The following GCNT2 variants were observed in gnomAD, a reference collection of about 807,000 sequenced individuals.
GCNT2 encodes the protein glucosaminyl (N-acetyl) transferase 2 (I blood group), also known as N-acetyllactosaminide beta-1,6-N-acetylglucosaminyl-transferase.
Under a neutral mutation model 34.2 loss-of-function variants are expected in GCNT2, and 34 were observed. The observed-to-expected ratio is 1.00, with a 90% CI of 0.76 to 1.32. The LOEUF (loss-of-function observed/expected upper bound fraction) is 1.32, where lower values mean the gene tolerates loss of function less well. Among genes scored for constraint, GCNT2 ranks in the 40% most tolerant of loss-of-function variants. GCNT2 has a pLI of 0.00. For synonymous variants in GCNT2, 212 were observed against 188.0 expected (o/e 1.13, Z -1.04); for missense variants, 584 against 489.4 (o/e 1.19, Z -1.82).
intron 3 of GCNT2, among the ~76,000 whole-genome samples, chr6:10,591,107 T>C (rs1484357577): frequency 6.6e-6 from 1 of 152,226 alleles, no homozygotes; most frequent in Non-Finnish European, 1.5e-5. Flanking sequence ...TAGTCACCTA[T>C]TAACTGAATA....
chr6:10,588,283 T>A (rs985672060), intron 3 of GCNT2, among the ~76,000 whole-genome samples: 50 of 152,336 alleles, frequency 3.3e-4, no homozygotes, highest in African/African-American at 1.1e-3. Context: ...AACCCTTTCT[T>A]TACAATCACC....
At chr6:10,542,654 T>C (rs1032206610) in intron 3 of GCNT2, among the ~76,000 whole-genome samples, 1 of 152,212 alleles carries the variant, frequency 6.6e-6, no homozygotes, top group African/African-American at 2.4e-5. Flanking sequence ...GTTTTTAAGG[T>C]TCATCCGTGT....
chr6:10,604,471 A>G (rs1765222576), intron 3 of GCNT2, among the ~76,000 whole-genome samples: 1 of 152,202 alleles, frequency 6.6e-6, no homozygotes, highest in South Asian at 2.1e-4. Flanking sequence ...AAAATCTCCA[A>G]GACTTAAAGA....
Position 10,584,624 on chromosome 6 carries a change from G to A in GCNT2, c.926-36727G>A, listed in dbSNP as rs116081035. 4.1e-3 allele frequency among the ~76,000 whole-genome samples: 618 copies of A among 152,268 alleles called. 5 individuals are homozygous for A. The highest frequency in any genetic ancestry group is 0.014 in the African/African-American group (591 of 41,532). On this transcript the variant is annotated intron_variant, in intron 3 of 4. Transcript: ENST00000495262. ...GGCTTTCTTGGGCAGGGGTTCCTGC[G>A]GCCTTCCGCAGTGCATTGTGTCTCT...
At chr6:10,575,488 A>G (rs988447951) in intron 3 of GCNT2, among the ~76,000 whole-genome samples, 1 of 151,944 alleles carries the variant, frequency 6.6e-6, no homozygotes, top group Non-Finnish European at 1.5e-5. Flanking sequence ...CAGCCTCCCA[A>G]GTAGCTAGGA....
At chr6:10,560,090 G>A (rs1021256195) in intron 3 of GCNT2, among the ~76,000 whole-genome samples, 2 of 152,100 alleles carry the variant, frequency 1.3e-5, no homozygotes, top group African/African-American at 4.8e-5. Context: ...ATCAATATCA[G>A]CTCTTCTATT....
intron 3 of GCNT2, among the ~76,000 whole-genome samples, chr6:10,562,711 A>AT (rs1346719114): frequency 2.0e-5 from 3 of 151,332 alleles, no homozygotes; most frequent in Non-Finnish European, 4.4e-5. Flanking sequence ...ATTCCTATCC[A>AT]TAAACAAATC....
chr6:10,615,074 GAGA>G (rs1765704998), intron 3 of GCNT2, among the ~76,000 whole-genome samples: 1 of 152,198 alleles, frequency 6.6e-6, no homozygotes, highest in Non-Finnish European at 1.5e-5. Context: ...TCACTCACAA[GAGA>G]AGATTTTGAG....
intron 3 of GCNT2, among the ~76,000 whole-genome samples, chr6:10,591,707 G>A (rs1342531296): frequency 6.6e-6 from 1 of 152,190 alleles, no homozygotes; most frequent in African/African-American, 2.4e-5. Context: ...TCACATTCAT[G>A]CACTGGGCTT....
intron 3 of GCNT2, among the ~76,000 whole-genome samples, chr6:10,536,774 G>A (rs1761780904): frequency 2.0e-5 from 3 of 149,270 alleles, no homozygotes. Context: ...CGCAATCTCG[G>A]CTCACTGCAA....
At chr6:10,622,742 CTTTTTTTT>C (rs36097125) in intron 4 of GCNT2, among the ~76,000 whole-genome samples, 29 of 74,476 alleles carry the variant, frequency 3.9e-4, no homozygotes, top group Admixed American at 2.8e-3. Context: ...CTCAGTCCAT[CTTTTTTTT>C]TTTTTTTTTT....
Position 10,537,658 on chromosome 6 carries a change from G to T in GCNT2, c.925+7822G>T, listed in dbSNP as rs139233086. ...GGAGGTTGCAGTGAGCCGAGATTGT[G>T]CCACTGCACTCCAACCTGGGCAAGA... is the stretch of plus-strand genomic sequence containing the variant. On this transcript the variant is annotated intron_variant, in intron 3 of 4. Transcript: ENST00000495262. 2.2e-3 allele frequency among the ~76,000 whole-genome samples: 292 copies of T among 132,490 alleles called. 2 individuals are homozygous for T. Among genetic ancestry groups the T allele is most frequent in the African/African-American group, 8.2e-3 (284 of 34,552 alleles). The allele number at this position is 132,490 out of a possible 152,430, so 86.9% of individuals were successfully genotyped here.
chr6:10,537,044 G>T (rs532312983), intron 3 of GCNT2, among the ~76,000 whole-genome samples: 7 of 152,308 alleles, frequency 4.6e-5, no homozygotes, highest in Admixed American at 4.6e-4. Flanking sequence ...GATTACAGGT[G>T]TGAGCCACCA....
chr6:10,526,063 G>A (rs1465072316), intron 1 of GCNT2, among the ~76,000 whole-genome samples: 1 of 152,144 alleles, frequency 6.6e-6, no homozygotes. Context: ...TATGGACAGG[G>A]TCTAAAGAGA....
intron 3 of GCNT2, among the ~76,000 whole-genome samples, chr6:10,597,430 T>C (rs191034361): frequency 3.4e-4 from 51 of 152,114 alleles, no homozygotes; most frequent in African/African-American, 1.1e-3. Flanking sequence ...GCTGGGATTA[T>C]AGGTACTAGC....
intron 3 of GCNT2, chr6:10,557,294 A>T: frequency 6.2e-7 from 1 of 1,613,858 alleles, no homozygotes. Flanking sequence ...GTCCAAGGAC[A>T]CTTTCAGTCC....
intron 3 of GCNT2, among the ~76,000 whole-genome samples, chr6:10,601,323 AGTGATTC>A (rs2127427530): frequency 6.6e-6 from 1 of 152,330 alleles, no homozygotes; most frequent in South Asian, 2.1e-4. Flanking sequence ...TTTCAATATC[AGTGATTC>A]AGAATGAATA....
intron 3 of GCNT2, among the ~76,000 whole-genome samples, chr6:10,546,482 C>A (rs984680822): frequency 1.3e-5 from 2 of 152,066 alleles, no homozygotes; most frequent in Non-Finnish European, 2.9e-5. Flanking sequence ...TATGGTGAAA[C>A]CCTGTCTCTA....
At chr6:10,546,535 T>C (rs945407087) in intron 3 of GCNT2, among the ~76,000 whole-genome samples, 1 of 152,120 alleles carries the variant, frequency 6.6e-6, no homozygotes. Context: ...GGCAGGTGCT[T>C]GTAATCCCAG....
Sources: allele counts gnomAD v4.1 joint callset (sites outside exome capture counted in the v4.1 genomes callset), GRCh38; gene constraint gnomAD v4.1.1; transcripts MANE v1.5; gene names NCBI Gene and HGNC (gene_info 2026-07-23, HGNC 2026-07-21).